WWOX: variants seen among roughly 807,000 people sequenced by gnomAD.
The protein encoded by WWOX is WW domain containing oxidoreductase.
WWOX carries 69 observed loss-of-function variants against 46.2 expected under a neutral mutation model. That is an observed-to-expected ratio of 1.49 (90% CI 1.23 to 1.82). The LOEUF is 1.82. Among genes scored for constraint, WWOX ranks in the 40% most tolerant of loss-of-function variants. The pLI is 0.00. For synonymous variants in WWOX, 359 were observed against 202.6 expected (o/e 1.77, Z -6.56); for missense variants, 919 against 542.6 (o/e 1.69, Z -6.89).
chr16:78,915,463 G>T (rs1257927614), intron 8 of WWOX, among the ~76,000 whole-genome samples: 1 of 152,134 alleles, frequency 6.6e-6, no homozygotes, highest in Admixed American at 6.5e-5. Context: ...TGTTAGTAAT[G>T]ACTGTCCCTC....
At chr16:78,873,713 C>T (rs1329402579) in intron 8 of WWOX, among the ~76,000 whole-genome samples, 3 of 152,030 alleles carry the variant, frequency 2.0e-5, no homozygotes, top group Non-Finnish European at 4.4e-5. Flanking sequence ...TGCTTGAGGC[C>T]GGAAGTTCAA....
chr16:78,703,535 C>A (rs571303304), intron 8 of WWOX, among the ~76,000 whole-genome samples: 5 of 151,978 alleles, frequency 3.3e-5, no homozygotes, highest in Non-Finnish European at 5.9e-5. Context: ...AGGAGGATCC[C>A]TTGAGTCCAG....
chr16:78,468,175 G>A (rs139175189), intron 8 of WWOX, among the ~76,000 whole-genome samples: 296 of 152,006 alleles, frequency 1.9e-3, no homozygotes, highest in African/African-American at 6.6e-3. Flanking sequence ...TTACTATTGT[G>A]TGGCTTTCTA....
At chr16:78,969,673 A>C (rs2046432705) in intron 8 of WWOX, among the ~76,000 whole-genome samples, 1 of 152,078 alleles carries the variant, frequency 6.6e-6, no homozygotes, top group Non-Finnish European at 1.5e-5. Flanking sequence ...AGCTTTAATA[A>C]AGAAGAGAAA....
intron 6 of WWOX, among the ~76,000 whole-genome samples, chr16:78,394,660 C>T (rs2082246678): frequency 2.6e-5 from 4 of 152,178 alleles, no homozygotes; most frequent in Admixed American, 2.6e-4. Flanking sequence ...TGAGAATTTT[C>T]AGACTATTAA....
chr16:78,146,957 G>T (rs1305313297), intron 4 of WWOX, among the ~76,000 whole-genome samples: 5 of 152,196 alleles, frequency 3.3e-5, no homozygotes, highest in African/African-American at 1.2e-4. Context: ...AAAACTCACA[G>T]AAGCAGAAAC....
At chr16:78,635,814 G>A (rs1334785996) in intron 8 of WWOX, among the ~76,000 whole-genome samples, 1 of 152,166 alleles carries the variant, frequency 6.6e-6, no homozygotes, top group Non-Finnish European at 1.5e-5. Flanking sequence ...TGGAAGGCGT[G>A]CCCAAATCTC....
At chr16:78,624,497 C>G (rs1465856018) in intron 8 of WWOX, among the ~76,000 whole-genome samples, 1 of 152,180 alleles carries the variant, frequency 6.6e-6, no homozygotes, top group Non-Finnish European at 1.5e-5. Flanking sequence ...TCAAATCTTT[C>G]CCTCACAGGA....
At chr16:78,371,623 T>A (rs2081690179) in intron 5 of WWOX, among the ~76,000 whole-genome samples, 1 of 152,188 alleles carries the variant, frequency 6.6e-6, no homozygotes, top group Non-Finnish European at 1.5e-5. Flanking sequence ...ACATGCAAGT[T>A]CATGATTGTT....
intron 8 of WWOX, among the ~76,000 whole-genome samples, chr16:78,771,095 C>T (rs1182805999): frequency 6.6e-6 from 1 of 152,162 alleles, no homozygotes; most frequent in Non-Finnish European, 1.5e-5. Context: ...AAGCCAGCTG[C>T]AACACAGCAG....
chr16:78,437,354 G>C (rs1183844689), intron 8 of WWOX, among the ~76,000 whole-genome samples: 1 of 152,150 alleles, frequency 6.6e-6, no homozygotes, highest in Non-Finnish European at 1.5e-5. Flanking sequence ...TTTTACAATT[G>C]GATGTTCTTG....
At chr16:78,163,179 T>G (rs1289326967) in intron 4 of WWOX, among the ~76,000 whole-genome samples, 5 of 152,228 alleles carry the variant, frequency 3.3e-5, no homozygotes, top group African/African-American at 1.2e-4. Flanking sequence ...TATGAGTATT[T>G]GAAATAATCA....
At chr16:78,124,683 C>T (rs1177275802) in intron 4 of WWOX, among the ~76,000 whole-genome samples, 1 of 152,150 alleles carries the variant, frequency 6.6e-6, no homozygotes, top group Non-Finnish European at 1.5e-5. Context: ...GAATGGGGTG[C>T]ATAGGAAGGG....
At chr16:78,893,117 C>G (rs2044626379) in intron 8 of WWOX, among the ~76,000 whole-genome samples, 1 of 151,884 alleles carries the variant, frequency 6.6e-6, no homozygotes, top group South Asian at 2.1e-4. Flanking sequence ...CTGTAGTTAC[C>G]CACACAGAAA....
At chr16:78,571,508 T>G (rs1190044740) in intron 8 of WWOX, among the ~76,000 whole-genome samples, 2 of 152,192 alleles carry the variant, frequency 1.3e-5, no homozygotes, top group East Asian at 3.9e-4. Context: ...GGCAAGTGCC[T>G]TAGAATACAA....
chr16:78,795,535 C>T (rs939618878), intron 8 of WWOX, among the ~76,000 whole-genome samples: 1 of 152,008 alleles, frequency 6.6e-6, no homozygotes, highest in African/African-American at 2.4e-5. Context: ...TGAGTCTTCC[C>T]AATTCTGAAA....
chr16:78,665,485 G>A (rs574029489), intron 8 of WWOX, among the ~76,000 whole-genome samples: 1 of 152,240 alleles, frequency 6.6e-6, no homozygotes, highest in Admixed American at 6.5e-5. Flanking sequence ...TGTGGCGAGT[G>A]GAATCTGGGG....
chr16:78,642,131 T>C lies in WWOX; in HGVS notation c.1056+209379T>C, dbSNP rs560354088. 1.7e-4 allele frequency among the ~76,000 whole-genome samples: 26 copies of C among 152,318 alleles called. No individual in the cohort carries two copies. The South Asian group carries it at 5.2e-3, about 30-fold the overall frequency. On this transcript the variant is annotated intron_variant, in intron 8 of 8. Coordinates refer to ENST00000566780, the MANE Select transcript of WWOX (RefSeq NM_016373.4). ...AAATAATTGACAATTTCTCTCCATC[T>C]AACAAGAAAATATATGGCACTTTTA...
intron 8 of WWOX, among the ~76,000 whole-genome samples, chr16:78,807,492 C>T (rs981187346): frequency 2.0e-5 from 3 of 152,142 alleles, no homozygotes; most frequent in Non-Finnish European, 2.9e-5. Flanking sequence ...ACATCAAGGG[C>T]CCGGGTTTAT....
Sources: allele counts gnomAD v4.1 joint callset (sites outside exome capture counted in the v4.1 genomes callset), GRCh38; gene constraint gnomAD v4.1.1; transcripts MANE v1.5; gene names NCBI Gene and HGNC (gene_info 2026-07-23, HGNC 2026-07-21).